Variants in SESTD1 observed in about 807,000 individuals in gnomAD.
SESTD1 encodes SEC14 domain and spectrin repeat-containing protein 1.
Under a neutral mutation model 101.7 loss-of-function variants are expected in SESTD1, and 43 were observed. That is an observed-to-expected ratio of 0.42 (90% CI 0.33 to 0.55). SESTD1 has a LOEUF of 0.55. Ranked by LOEUF, SESTD1 falls within the 20% of genes least tolerant of loss-of-function variation. SESTD1 has a pLI of 0.07. For missense variants in SESTD1, 647 were observed against 815.1 expected (o/e 0.79, Z 2.51); for synonymous variants, 283 against 286.8 (o/e 0.99, Z 0.13).
intron 1 of SESTD1, among the ~76,000 whole-genome samples, chr2:179,239,269 TTC>T (rs1461636876): frequency 1.7e-4 from 26 of 152,188 alleles, no homozygotes; most frequent in Non-Finnish European, 3.4e-4. Flanking sequence ...TAATCCTGAA[TTC>T]TGTTATTTCA....
At chr2:179,129,674 T>C (rs2044965201) in intron 10 of SESTD1, among the ~76,000 whole-genome samples, 1 of 152,226 alleles carries the variant, frequency 6.6e-6, no homozygotes, top group Non-Finnish European at 1.5e-5. Flanking sequence ...TAGTCATACT[T>C]TCACAAGACT....
At chr2:179,121,994 A>C in intron 12 of SESTD1, 65 bp from the exon 13 acceptor site, 5 of 1,469,388 alleles carry the variant, frequency 3.4e-6, no homozygotes, top group Non-Finnish European at 3.6e-6. Flanking sequence ...CCTCAAACAA[A>C]TCGTCTCATC....
chr2:179,139,567 T>C (rs959538017), intron 9 of SESTD1, among the ~76,000 whole-genome samples: 1 of 152,186 alleles, frequency 6.6e-6, no homozygotes, highest in African/African-American at 2.4e-5. Flanking sequence ...TAGTTCCCCT[T>C]AACTGTTCTA....
chr2:179,109,714 G>C lies in SESTD1; in HGVS notation c.*185C>G. On this transcript the variant is annotated 3_prime_UTR_variant, in exon 18 of 18. Transcript: ENST00000428443. ...TAAGATACTTGGAATCTACAGCCTC[G>C]AAGCATGTTAAGTAATTATGCCTTG... The C allele has an allele frequency of 1.5e-6, 1 of 650,254 alleles. No individual in the cohort carries two copies. Among genetic ancestry groups the C allele is most frequent in the South Asian group, 2.7e-5 (1 of 36,658 alleles). 40.3% of individuals were successfully genotyped at this position (650,254 alleles called of 1,614,324 possible).
At position 179,102,637 on chromosome 2, in the gene SESTD1, A is replaced by G. The variant is rs1029985865; in HGVS notation, c.*7262T>C. 2.0e-5 allele frequency: 3 copies of G among 152,096 alleles called. No individual in the cohort carries two copies. The highest frequency in any genetic ancestry group is 4.4e-5 in the Non-Finnish European group (3 of 68,020). The allele number at this position is 152,096 out of a possible 1,614,324, so 9.4% of individuals were successfully genotyped here. A position where few individuals can be genotyped will look rare whatever the true frequency, so the allele number is the denominator to read the frequency against. On this transcript the variant is annotated 3_prime_UTR_variant, in exon 18 of 18. Coordinates refer to ENST00000428443, the MANE Select transcript of SESTD1 (RefSeq NM_178123.5). Reference sequence around the variant, plus strand: ...ATAGGAAAAATCGAATAAACCATACATATTTTTGAAAATGAGCATTAGAAA... The same window carrying G: ...ATAGGAAAAATCGAATAAACCATACGTATTTTTGAAAATGAGCATTAGAAA...
intron 5 of SESTD1, among the ~76,000 whole-genome samples, chr2:179,154,680 T>G (rs2045592849): frequency 2.0e-5 from 3 of 152,292 alleles, no homozygotes; most frequent in Middle Eastern, 3.4e-3. Flanking sequence ...AGGGATACTT[T>G]CAGAAATATG....
At chr2:179,111,789 G>A (rs887009149) in intron 17 of SESTD1, among the ~76,000 whole-genome samples, 5 of 147,892 alleles carry the variant, frequency 3.4e-5, no homozygotes, top group Admixed American at 6.9e-5. Context: ...GCGTGATCTC[G>A]GCTCACTGCA....
intron 1 of SESTD1, among the ~76,000 whole-genome samples, chr2:179,231,484 C>A: frequency 6.7e-6 from 1 of 150,224 alleles, no homozygotes. Flanking sequence ...CAAGTAGCTG[C>A]TACAACAACA....
intron 1 of SESTD1, among the ~76,000 whole-genome samples, chr2:179,258,806 A>G (rs1396478752): frequency 6.6e-6 from 1 of 152,248 alleles, no homozygotes; most frequent in African/African-American, 2.4e-5. Context: ...AATTATTTAG[A>G]TAAGGTGATT....
At chr2:179,194,597 G>A (rs978139396) in intron 1 of SESTD1, among the ~76,000 whole-genome samples, 2 of 152,132 alleles carry the variant, frequency 1.3e-5, no homozygotes, top group African/African-American at 4.8e-5. Context: ...CAAACCCCCA[G>A]GAGTCCGGCC....
At chr2:179,122,847 G>A (rs1407080214) in intron 12 of SESTD1, among the ~76,000 whole-genome samples, 1 of 152,164 alleles carries the variant, frequency 6.6e-6, no homozygotes, top group African/African-American at 2.4e-5. Flanking sequence ...AGTGAGCCAA[G>A]ATGGCACCAC....
chr2:179,255,363 TA>T (rs1367057933), intron 1 of SESTD1, among the ~76,000 whole-genome samples: 2 of 152,072 alleles, frequency 1.3e-5, no homozygotes, highest in African/African-American at 2.4e-5. Context: ...TGAAGGAAAG[TA>T]AAAGTGCCAC....
chr2:179,220,084 T>A (rs538573507), intron 1 of SESTD1, among the ~76,000 whole-genome samples: 1 of 146,826 alleles, frequency 6.8e-6, no homozygotes, highest in Non-Finnish European at 1.5e-5. Flanking sequence ...AAAAGTCCTA[T>A]ACTATATTTA....
chr2:179,246,660 T>C (rs913227642), intron 1 of SESTD1, among the ~76,000 whole-genome samples: 2 of 152,166 alleles, frequency 1.3e-5, no homozygotes, highest in Non-Finnish European at 2.9e-5. Flanking sequence ...CAAATGCACA[T>C]GGATCACAGA....
At chr2:179,172,299 A>T in intron 4 of SESTD1, 66 bp from the exon 5 acceptor site, 1 of 1,074,576 alleles carries the variant, frequency 9.3e-7, no homozygotes, top group East Asian at 2.6e-5. Flanking sequence ...AAATTTATAA[A>T]TTACCAGACA....
chr2:179,199,588 A>G (rs2046468786), intron 1 of SESTD1, among the ~76,000 whole-genome samples: 1 of 152,130 alleles, frequency 6.6e-6, no homozygotes, highest in Admixed American at 6.5e-5. Context: ...CCAGCAGCAC[A>G]TCAAAAAGCT....
At chr2:179,122,916 G>A (rs2044786340) in intron 12 of SESTD1, among the ~76,000 whole-genome samples, 2 of 152,048 alleles carry the variant, frequency 1.3e-5, no homozygotes, top group African/African-American at 4.8e-5. Context: ...AATAACAAAG[G>A]CTGTAAGCAA....
At chr2:179,226,788 T>G (rs932855791) in intron 1 of SESTD1, among the ~76,000 whole-genome samples, 4 of 152,268 alleles carry the variant, frequency 2.6e-5, no homozygotes, top group Non-Finnish European at 5.9e-5. Context: ...GTTGGCTATG[T>G]CATTTGAATG....
chr2:179,235,156 A>G (rs142503036), intron 1 of SESTD1, among the ~76,000 whole-genome samples: 7 of 152,276 alleles, frequency 4.6e-5, no homozygotes, highest in African/African-American at 1.7e-4. Flanking sequence ...TACTGCATCA[A>G]TGTTAACTTC....
Sources: allele counts gnomAD v4.1 joint callset (sites outside exome capture counted in the v4.1 genomes callset), GRCh38; gene constraint gnomAD v4.1.1; transcripts MANE v1.5; gene names NCBI Gene and HGNC (gene_info 2026-07-23, HGNC 2026-07-21).